XKR4: variants seen among roughly 807,000 people sequenced by gnomAD.
XKR4 encodes XK-related protein 4.
XKR4 carries 12 observed loss-of-function variants against 53.9 expected under a neutral mutation model. The observed-to-expected ratio is 0.22, with a 90% CI of 0.14 to 0.36. The LOEUF (loss-of-function observed/expected upper bound fraction) is 0.36, where lower values mean the gene tolerates loss of function less well. XKR4 is among the 10% of genes least tolerant of loss of function. XKR4 has a pLI of 1.00. For missense variants in XKR4, 799 were observed against 859.5 expected (o/e 0.93, Z 0.88); for synonymous variants, 354 against 362.4 (o/e 0.98, Z 0.26).
intron 2 of XKR4, among the ~76,000 whole-genome samples, chr8:55,439,796 A>C (rs1233254426): frequency 6.6e-6 from 1 of 152,236 alleles, no homozygotes; most frequent in Non-Finnish European, 1.5e-5. Context: ...GAGATAGGCT[A>C]TATTTGAAGA....
intron 1 of XKR4, chr8:55,135,796 C>T: frequency 3.3e-6 from 1 of 304,944 alleles, no homozygotes. Flanking sequence ...TTGACCACTT[C>T]CTCTCTCTGG....
intron 1 of XKR4, among the ~76,000 whole-genome samples, chr8:55,356,994 A>G (rs575408370): frequency 6.6e-6 from 1 of 152,236 alleles, no homozygotes; most frequent in South Asian, 2.1e-4. Context: ...GGAATACAGT[A>G]TATAATGCAT....
chr8:55,478,060 C>A (rs1170112580), intron 2 of XKR4, among the ~76,000 whole-genome samples: 1 of 152,018 alleles, frequency 6.6e-6, no homozygotes, highest in African/African-American at 2.4e-5. Flanking sequence ...GAGAACGCCA[C>A]AAAGATACTC....
intron 1 of XKR4, among the ~76,000 whole-genome samples, chr8:55,117,265 A>G (rs1212661884): frequency 2.6e-5 from 4 of 152,134 alleles, no homozygotes; most frequent in African/African-American, 4.8e-5. Context: ...AAAATACTAG[A>G]TAAGAATTTA....
chr8:55,472,474 A>G (rs563918018), intron 2 of XKR4, among the ~76,000 whole-genome samples: 2 of 152,258 alleles, frequency 1.3e-5, no homozygotes, highest in East Asian at 3.9e-4. Flanking sequence ...GTCAAACAAG[A>G]TACCCAGAAT....
At chr8:55,406,028 G>T (rs1380630529) in intron 2 of XKR4, among the ~76,000 whole-genome samples, 1 of 152,176 alleles carries the variant, frequency 6.6e-6, no homozygotes, top group Non-Finnish European at 1.5e-5. Context: ...CAACCAATTT[G>T]CAATTGATCA....
rs139485933 is a variant in XKR4, at chr8:55,411,374, G to A, written c.1006+53497G>A. Among the ~76,000 whole-genome samples the A allele has an allele frequency of 4.2e-3, 643 of 152,264 alleles. 3 individuals are homozygous for A. Among genetic ancestry groups the A allele is most frequent in the African/African-American group, 0.014 (587 of 41,544 alleles). ...GTAGCACAGAGCCTGGCACATTTAC[G>A]TGCTCAGTGAGCGTGAGCTTTGATT... is the stretch of plus-strand genomic sequence containing the variant. On this transcript the variant is annotated intron_variant, in intron 2 of 2. Coordinates refer to ENST00000327381, the MANE Select transcript of XKR4 (RefSeq NM_052898.2).
intron 1 of XKR4, among the ~76,000 whole-genome samples, chr8:55,131,000 A>G (rs994750592): frequency 6.6e-6 from 1 of 152,076 alleles, no homozygotes; most frequent in Non-Finnish European, 1.5e-5. Flanking sequence ...TCTCTACTAA[A>G]AACACAAAAT....
chr8:55,453,551 C>A (rs561269136), intron 2 of XKR4: 5 of 379,096 alleles, frequency 1.3e-5, no homozygotes, highest in Non-Finnish European at 2.6e-5. Flanking sequence ...GGCAGTCATG[C>A]GGGGCCCTGA....
At chr8:55,282,516 G>A (rs1021629127) in intron 1 of XKR4, among the ~76,000 whole-genome samples, 1 of 152,074 alleles carries the variant, frequency 6.6e-6, no homozygotes, top group Admixed American at 6.5e-5. Flanking sequence ...GGTGCTAGAT[G>A]GAGCAATAGA....
intron 1 of XKR4, among the ~76,000 whole-genome samples, chr8:55,296,967 G>C (rs886187088): frequency 3.3e-5 from 5 of 152,148 alleles, no homozygotes; most frequent in African/African-American, 1.2e-4. Flanking sequence ...GTGTGACCCT[G>C]AACAAAATGC....
intron 1 of XKR4, among the ~76,000 whole-genome samples, chr8:55,331,366 C>G (rs1452567215): frequency 6.6e-6 from 1 of 152,128 alleles, no homozygotes; most frequent in Non-Finnish European, 1.5e-5. Context: ...TGTTTTGTGT[C>G]CTAACATATG....
At chr8:55,123,372 G>A (rs1163614228) in intron 1 of XKR4, among the ~76,000 whole-genome samples, 1 of 152,186 alleles carries the variant, frequency 6.6e-6, no homozygotes, top group South Asian at 2.1e-4. Context: ...GGCATATGAT[G>A]CCCAGGACGT....
intron 2 of XKR4, among the ~76,000 whole-genome samples, chr8:55,384,414 G>C (rs1295646732): frequency 6.6e-6 from 1 of 152,140 alleles, no homozygotes; most frequent in African/African-American, 2.4e-5. Flanking sequence ...ATTATGGTTA[G>C]AGTAAGAATG....
chr8:55,285,494 G>C (rs1818895939), intron 1 of XKR4, among the ~76,000 whole-genome samples: 1 of 152,134 alleles, frequency 6.6e-6, no homozygotes, highest in East Asian at 1.9e-4. Context: ...TGACAGAGGA[G>C]AGAAGGAGGG....
At chr8:55,395,571 G>A (rs537766644) in intron 2 of XKR4, among the ~76,000 whole-genome samples, 3 of 152,148 alleles carry the variant, frequency 2.0e-5, no homozygotes, top group Non-Finnish European at 4.4e-5. Flanking sequence ...ATAGGTGATG[G>A]GAAATCAGTG....
At position 55,498,182 on chromosome 8, in the gene XKR4, C is replaced by T. The variant is rs1194651584; in HGVS notation, c.1007-25099C>T. ...AGCTGGGGACCACACACCTCAGCCT[C>T]CCATGGCCTAACCTCCAAGGATGGG... On this transcript the variant is annotated intron_variant, in intron 2 of 2. Coordinates refer to ENST00000327381, the MANE Select transcript of XKR4 (RefSeq NM_052898.2). 2.0e-5 allele frequency among the ~76,000 whole-genome samples: 3 copies of T among 152,238 alleles called. No individual in the cohort carries two copies. The East Asian group carries it at 5.8e-4, about 29-fold the overall frequency.
At chr8:55,404,732 A>G (rs1358830443) in intron 2 of XKR4, among the ~76,000 whole-genome samples, 1 of 152,158 alleles carries the variant, frequency 6.6e-6, no homozygotes, top group Non-Finnish European at 1.5e-5. Context: ...ACTACTCTGG[A>G]TTGCTGCTTG....
At chr8:55,105,690 G>A (rs1195858838) in intron 1 of XKR4, among the ~76,000 whole-genome samples, 1 of 152,062 alleles carries the variant, frequency 6.6e-6, no homozygotes. Context: ...AAATATTTGG[G>A]GGATGCCAGA....
Sources: allele counts gnomAD v4.1 joint callset (sites outside exome capture counted in the v4.1 genomes callset), GRCh38; gene constraint gnomAD v4.1.1; transcripts MANE v1.5; gene names NCBI Gene and HGNC (gene_info 2026-07-23, HGNC 2026-07-21).